The following NPSR1 variants were observed in gnomAD, a reference collection of about 807,000 sequenced individuals.
NPSR1 encodes the protein neuropeptide S receptor 1.
Under a neutral mutation model 46.9 loss-of-function variants are expected in NPSR1, and 48 were observed. The observed-to-expected ratio is 1.02, with a 90% confidence interval of 0.81 to 1.30. NPSR1 has a LOEUF of 1.30. Among genes scored for constraint, NPSR1 ranks in the 50% most tolerant of loss-of-function variants. The pLI, the probability that NPSR1 is intolerant of heterozygous loss-of-function variation, is 0.00. For synonymous variants in NPSR1, 176 were observed against 168.1 expected (o/e 1.05, Z -0.36); for missense variants, 450 against 449.5 (o/e 1.00, Z -0.01).
At chr7:34,681,960 G>A (rs1244894873) in intron 1 of NPSR1, among the ~76,000 whole-genome samples, 6 of 152,148 alleles carry the variant, frequency 3.9e-5, no homozygotes, top group Admixed American at 3.9e-4. Context: ...GAGAGAGAAA[G>A]GGCAATTTAA....
intron 4 of NPSR1, among the ~76,000 whole-genome samples, chr7:34,817,590 C>A (rs1168532005): frequency 8.2e-6 from 1 of 121,558 alleles, no homozygotes; most frequent in Non-Finnish European, 1.7e-5. Flanking sequence ...ATCCTGATAC[C>A]AAAGCCTGGC....
chr7:34,723,925 C>T (rs948301842), intron 2 of NPSR1, among the ~76,000 whole-genome samples: 1 of 152,184 alleles, frequency 6.6e-6, no homozygotes, highest in Non-Finnish European at 1.5e-5. Flanking sequence ...GTCTTTATAA[C>T]AATCACATGA....
intron 2 of NPSR1, among the ~76,000 whole-genome samples, chr7:34,756,340 G>A (rs1419602458): frequency 6.6e-6 from 1 of 152,164 alleles, no homozygotes; most frequent in Non-Finnish European, 1.5e-5. Flanking sequence ...CAACCTACAT[G>A]GCAGTTTAAT....
intron 2 of NPSR1, among the ~76,000 whole-genome samples, chr7:34,757,733 C>T (rs975364073): frequency 1.3e-5 from 2 of 152,162 alleles, no homozygotes; most frequent in Admixed American, 6.5e-5. Flanking sequence ...GCCCAACCCT[C>T]CAGCTTTCTT....
At chr7:34,687,205 G>A (rs919849886) in intron 2 of NPSR1, among the ~76,000 whole-genome samples, 9 of 150,846 alleles carry the variant, frequency 6.0e-5, no homozygotes, top group African/African-American at 2.2e-4. Flanking sequence ...AAGAACCCTG[G>A]AACTAGTTAC....
intron 2 of NPSR1, among the ~76,000 whole-genome samples, chr7:34,732,815 A>G (rs1402565376): frequency 3.9e-5 from 6 of 152,226 alleles, no homozygotes; most frequent in African/African-American, 1.4e-4. Context: ...TTATCAGCAC[A>G]TATGCATGCT....
chr7:34,808,430 A>G (rs1788814835), intron 3 of NPSR1, among the ~76,000 whole-genome samples: 1 of 152,178 alleles, frequency 6.6e-6, no homozygotes, highest in African/African-American at 2.4e-5. Context: ...AAAACAAAAG[A>G]GAGACCCAAA....
Position 34,767,967 on chromosome 7 carries a change from A to T in NPSR1, c.281-10495A>T, listed in dbSNP as rs1008670653. ...TTCCATATTACTGTAGAATTACTAT[A>T]GTTAACAATAATATATGGTTTCACA... On this transcript the variant is annotated intron_variant, in intron 2 of 8. Transcript: ENST00000360581. Among the ~76,000 whole-genome samples, 3 of 152,142 alleles carry T rather than the reference A, an allele frequency of 2.0e-5. No individual in the cohort carries two copies. The East Asian group carries it at 5.8e-4, about 29-fold the overall frequency.
chr7:34,795,976 G>C (rs1252308020), intron 3 of NPSR1, among the ~76,000 whole-genome samples: 1 of 152,000 alleles, frequency 6.6e-6, no homozygotes, highest in Non-Finnish European at 1.5e-5. Flanking sequence ...CAAATTTGAA[G>C]GACTGATACT....
intron 2 of NPSR1, among the ~76,000 whole-genome samples, chr7:34,767,071 C>T (rs1786472001): frequency 6.6e-6 from 1 of 152,104 alleles, no homozygotes; most frequent in Middle Eastern, 3.2e-3. Flanking sequence ...TCTATCCCGA[C>T]TGTGGTGTTA....
intron 4 of NPSR1, among the ~76,000 whole-genome samples, chr7:34,822,022 C>T (rs929711967): frequency 6.6e-6 from 1 of 152,160 alleles, no homozygotes; most frequent in African/African-American, 2.4e-5. Context: ...CCAGAAACTT[C>T]TAAGAATTCC....
intron 2 of NPSR1, among the ~76,000 whole-genome samples, chr7:34,689,345 C>T (rs1317720665): frequency 6.6e-6 from 1 of 152,150 alleles, no homozygotes; most frequent in Middle Eastern, 3.2e-3. Context: ...GTGGCTCACG[C>T]CTGTAATCCC....
chr7:34,692,435 T>C (rs906501435), intron 2 of NPSR1, among the ~76,000 whole-genome samples: 1 of 152,060 alleles, frequency 6.6e-6, no homozygotes, highest in Non-Finnish European at 1.5e-5. Context: ...AACTAAGCAA[T>C]TTGCTCCTGA....
At chr7:34,814,355 G>A (rs574092216) in intron 4 of NPSR1, among the ~76,000 whole-genome samples, 1 of 152,372 alleles carries the variant, frequency 6.6e-6, no homozygotes, top group African/African-American at 2.4e-5. Context: ...GTCCACCATT[G>A]CTGAGGCATG....
chr7:34,728,464 T>A (rs539617413), intron 2 of NPSR1, among the ~76,000 whole-genome samples: 1 of 152,066 alleles, frequency 6.6e-6, no homozygotes, highest in African/African-American at 2.4e-5. Context: ...CAGTGCCTCA[T>A]CCCCCGACAA....
Position 34,715,125 on chromosome 7 carries a change from C to T in NPSR1, c.280+30441C>T, listed in dbSNP as rs749733221. ...ATTCTGCACTGTGGCAGGTTCTGCTCTGTCTGGCTGATGCTTCTGAATACA... is the reference window on the plus strand; with the variant it reads ...ATTCTGCACTGTGGCAGGTTCTGCTTTGTCTGGCTGATGCTTCTGAATACA... On this transcript the variant is annotated intron_variant, in intron 2 of 8. Transcript: ENST00000360581. Among the ~76,000 whole-genome samples the T allele has an allele frequency of 3.8e-4, 58 of 152,354 alleles. 1 individual carries two copies. Among genetic ancestry groups the T allele is most frequent in the South Asian group, 1.9e-3 (9 of 4,828 alleles).
chr7:34,802,978 A>C (rs1247679210), intron 3 of NPSR1, among the ~76,000 whole-genome samples: 16 of 150,520 alleles, frequency 1.1e-4, no homozygotes, highest in South Asian at 2.1e-4. Flanking sequence ...GCTCACCACC[A>C]CTGGCCATCA....
At position 34,730,540 on chromosome 7, in the gene NPSR1, T is replaced by C. The variant is rs149870744; in HGVS notation, c.280+45856T>C. Among the ~76,000 whole-genome samples, 130 of 152,324 alleles carry C rather than the reference T, an allele frequency of 8.5e-4. 1 individual carries two copies. The highest frequency in any genetic ancestry group is 3.1e-3 in the African/African-American group (127 of 41,580). ...AGGCTCTCAATGGTTAAATATCTGT[T>C]TATCTGGTTATGTTTAAAACAATTG... On this transcript the variant is annotated intron_variant, in intron 2 of 8. Coordinates refer to ENST00000360581, the MANE Select transcript of NPSR1 (RefSeq NM_207172.2).
intron 4 of NPSR1, among the ~76,000 whole-genome samples, chr7:34,812,519 A>G (rs1789036250): frequency 6.6e-6 from 1 of 152,130 alleles, no homozygotes; most frequent in South Asian, 2.1e-4. Context: ...AGAGGACCCG[A>G]GGCAACTGAC....
Sources: gnomAD v4.1 joint callset for allele counts (sites outside exome capture counted in the v4.1 genomes callset) on GRCh38, gnomAD v4.1.1 for gene constraint, MANE v1.5 for transcripts, NCBI Gene and HGNC (gene_info 2026-07-23, HGNC 2026-07-21) for gene names.